Variants in SPAG16 observed in about 807,000 individuals in gnomAD.
SPAG16 encodes the protein sperm associated antigen 16.
In SPAG16, 86 loss-of-function variants were observed where a neutral mutation model predicts 80.4. That is an observed-to-expected ratio of 1.07 (90% CI 0.90 to 1.28). SPAG16 has a LOEUF of 1.28. Ranked by LOEUF, SPAG16 falls within the 50% of genes most tolerant of loss-of-function variation. The pLI is 0.00. For missense variants in SPAG16, 870 were observed against 765.3 expected (o/e 1.14, Z -1.61); for synonymous variants, 294 against 265.9 (o/e 1.11, Z -1.03).
intron 10 of SPAG16, among the ~76,000 whole-genome samples, chr2:213,824,624 G>C (rs1191809766): frequency 6.6e-6 from 1 of 152,118 alleles, no homozygotes; most frequent in Non-Finnish European, 1.5e-5. Flanking sequence ...CCAGTACCAT[G>C]CTGTTTTGGT....
At chr2:213,344,229 A>G (rs1049078883) in intron 6 of SPAG16, among the ~76,000 whole-genome samples, 2 of 152,146 alleles carry the variant, frequency 1.3e-5, no homozygotes, top group African/African-American at 4.8e-5. Context: ...GAGGCTATTT[A>G]TAACAGTATA....
At chr2:213,328,580 G>C (rs1347005930) in intron 5 of SPAG16, among the ~76,000 whole-genome samples, 2 of 152,112 alleles carry the variant, frequency 1.3e-5, no homozygotes, top group East Asian at 3.9e-4. Flanking sequence ...TGCCATCTCA[G>C]GGAGATGGCA....
chr2:213,992,032 T>C (rs2046311712), intron 12 of SPAG16, among the ~76,000 whole-genome samples: 1 of 152,106 alleles, frequency 6.6e-6, no homozygotes, highest in South Asian at 2.1e-4. Flanking sequence ...GCCCCATGCA[T>C]ACTCATAAAG....
At chr2:214,225,042 C>T (rs576120955) in intron 15 of SPAG16, among the ~76,000 whole-genome samples, 21 of 152,194 alleles carry the variant, frequency 1.4e-4, no homozygotes, top group African/African-American at 4.6e-4. Flanking sequence ...GAAGGGTTCA[C>T]GAATAAGGTA....
At chr2:214,099,992 C>A (rs1559791643) in intron 13 of SPAG16, among the ~76,000 whole-genome samples, 1 of 152,040 alleles carries the variant, frequency 6.6e-6, no homozygotes, top group Non-Finnish European at 1.5e-5. Flanking sequence ...CAAATCTCAT[C>A]TCAAATTACA....
At position 213,730,579 on chromosome 2, in the gene SPAG16, A is replaced by G. The variant is rs571090479; in HGVS notation, c.1071-131906A>G. Among the ~76,000 whole-genome samples, 6 of 152,312 alleles carry G rather than the reference A, an allele frequency of 3.9e-5. No homozygotes were observed. In the East Asian group the frequency reaches 5.8e-4, roughly 15 times the overall value. ...TGCTAATTCTTATTATCGTTTCTCT[A>G]TAGATAAGGCATTATTTCCCCTATG... is the stretch of plus-strand genomic sequence containing the variant. On this transcript the variant is annotated intron_variant, in intron 10 of 15. Coordinates refer to ENST00000331683, the MANE Select transcript of SPAG16 (RefSeq NM_024532.5).
At chr2:213,373,477 C>T (rs1488972) in intron 8 of SPAG16, among the ~76,000 whole-genome samples, 148,383 of 152,280 alleles carry the variant, frequency 0.97, 72,404 homozygotes, top group East Asian at 1. Context: ...TGTGTATTTT[C>T]CATTTTGTTT....
intron 12 of SPAG16, among the ~76,000 whole-genome samples, chr2:213,945,335 A>C (rs1171691287): frequency 2.0e-5 from 3 of 149,008 alleles, no homozygotes; most frequent in Non-Finnish European, 4.4e-5. Context: ...GTGTATATAT[A>C]GTATATATAT....
At chr2:213,799,560 G>A (rs1041315834) in intron 10 of SPAG16, among the ~76,000 whole-genome samples, 1 of 151,990 alleles carries the variant, frequency 6.6e-6, no homozygotes, top group Non-Finnish European at 1.5e-5. Context: ...ACATTCTGAT[G>A]TAATTTTTTT....
At chr2:213,339,257 G>A (rs187706816) in intron 5 of SPAG16, among the ~76,000 whole-genome samples, 11 of 152,250 alleles carry the variant, frequency 7.2e-5, no homozygotes, top group Admixed American at 5.9e-4. Context: ...TTTATTTTAT[G>A]TGAATCAAAA....
chr2:214,153,106 C>T (rs2056056126), intron 15 of SPAG16, among the ~76,000 whole-genome samples: 1 of 151,992 alleles, frequency 6.6e-6, no homozygotes, highest in Non-Finnish European at 1.5e-5. Flanking sequence ...AGGGAGCCTC[C>T]CTTTCCCGGT....
At chr2:213,572,672 A>T (rs1305814232) in intron 10 of SPAG16, among the ~76,000 whole-genome samples, 3 of 151,952 alleles carry the variant, frequency 2.0e-5, no homozygotes, top group African/African-American at 7.2e-5. Flanking sequence ...AAGTCTGCAG[A>T]GGTTACTGCT....
At chr2:213,848,873 C>T (rs771049853) in intron 10 of SPAG16, among the ~76,000 whole-genome samples, 16 of 152,068 alleles carry the variant, frequency 1.1e-4, no homozygotes, top group Non-Finnish European at 2.4e-4. Flanking sequence ...TATGACGCAA[C>T]TGAAATATGA....
intron 12 of SPAG16, among the ~76,000 whole-genome samples, chr2:214,011,668 T>C (rs900041501): frequency 6.6e-6 from 1 of 152,174 alleles, no homozygotes; most frequent in Non-Finnish European, 1.5e-5. Flanking sequence ...ACTTTAGTGA[T>C]TAAAATATTA....
At chr2:214,219,191 G>A (rs114609057) in intron 15 of SPAG16, among the ~76,000 whole-genome samples, 2,473 of 152,214 alleles carry the variant, frequency 0.016, 40 homozygotes, top group African/African-American at 0.037. Flanking sequence ...GGAATCTCCT[G>A]TTAAATCTGA....
At chr2:213,317,388 T>C (rs1342185553) in intron 5 of SPAG16, 32 bp downstream of exon 5, 2 of 1,589,452 alleles carry the variant, frequency 1.3e-6, no homozygotes, top group African/African-American at 2.7e-5. Context: ...ATTTTCTTCT[T>C]TTTCTTTTGG....
intron 10 of SPAG16, among the ~76,000 whole-genome samples, chr2:213,772,229 T>C (rs886406441): frequency 6.6e-6 from 1 of 152,178 alleles, no homozygotes; most frequent in Admixed American, 6.5e-5. Flanking sequence ...TAATTCATGA[T>C]TTGGCTCTCT....
intron 9 of SPAG16, among the ~76,000 whole-genome samples, chr2:213,406,929 G>A (rs1187503662): frequency 2.3e-5 from 3 of 131,406 alleles, no homozygotes; most frequent in African/African-American, 9.3e-5. Flanking sequence ...TCTCAGCGAC[G>A]CGGATTTAAA....
At chr2:213,387,429 CTCTT>C (rs1559077549) in intron 9 of SPAG16, among the ~76,000 whole-genome samples, 23 of 71,754 alleles carry the variant, frequency 3.2e-4, no homozygotes, top group South Asian at 7.2e-4. Context: ...GAAATGCATG[CTCTT>C]TTTTTTTTTT....
Sources: allele counts gnomAD v4.1 joint callset (sites outside exome capture counted in the v4.1 genomes callset), GRCh38; gene constraint gnomAD v4.1.1; transcripts MANE v1.5; gene names NCBI Gene and HGNC (gene_info 2026-07-23, HGNC 2026-07-21).